Variants in UBE3D observed in about 807,000 individuals in gnomAD.
UBE3D encodes the protein ubiquitin protein ligase E3D, also known as E3 ubiquitin-protein ligase E3D.
Under a neutral mutation model 49.6 loss-of-function variants are expected in UBE3D, and 48 were observed. The observed-to-expected ratio is 0.97, with a 90% CI of 0.77 to 1.23. UBE3D has a LOEUF of 1.23. Among genes scored for constraint, UBE3D ranks in the 50% most tolerant of loss-of-function variants. The pLI is 0.00. For missense variants in UBE3D, 452 were observed against 468.4 expected, an observed-to-expected ratio of 0.96 and a Z score of 0.32; for synonymous variants, 189 against 174.2, an observed-to-expected ratio of 1.08 and a Z score of -0.67.
intron 7 of UBE3D, 44 bp downstream of exon 7, chr6:83,022,409 T>A: frequency 7.7e-7 from 1 of 1,297,762 alleles, no homozygotes; most frequent in East Asian, 2.6e-5. Context: ...TTCTGAGACC[T>A]TGGATTCCTA....
intron 1 of UBE3D, 149 bp downstream of exon 1, chr6:83,065,493 G>A (rs996989355): frequency 2.8e-6 from 2 of 712,306 alleles, no homozygotes; most frequent in Admixed American, 6.2e-5. Flanking sequence ...CGACTACAGG[G>A]GAAAGCTTCA....
chr6:82,969,767 T>C (rs1427437079), intron 8 of UBE3D, among the ~76,000 whole-genome samples: 1 of 152,196 alleles, frequency 6.6e-6, no homozygotes, highest in Non-Finnish European at 1.5e-5. Flanking sequence ...ATTTATATTT[T>C]AATTTAATGT....
intron 8 of UBE3D, among the ~76,000 whole-genome samples, chr6:82,998,842 C>A (rs1006456738): frequency 2.6e-5 from 4 of 152,170 alleles, no homozygotes; most frequent in African/African-American, 7.2e-5. Context: ...TGGGGACAAC[C>A]AAACTTTAAC....
chr6:83,006,846 G>A (rs1780016626), intron 8 of UBE3D, among the ~76,000 whole-genome samples: 1 of 152,078 alleles, frequency 6.6e-6, no homozygotes, highest in South Asian at 2.1e-4. Flanking sequence ...TTTCACAATA[G>A]AATATACTTA....
At chr6:82,952,734 T>C (rs1434624931) in intron 9 of UBE3D, among the ~76,000 whole-genome samples, 1 of 152,134 alleles carries the variant, frequency 6.6e-6, no homozygotes, top group Non-Finnish European at 1.5e-5. Context: ...AAATGCTAAG[T>C]ATAGAAAAAT....
chr6:82,956,849 C>T lies in UBE3D; in HGVS notation c.1149+463G>A, dbSNP rs146397584. Among the ~76,000 whole-genome samples, 785 of 152,262 alleles carry T rather than the reference C, an allele frequency of 5.2e-3. 16 individuals carry two copies. The highest frequency in any genetic ancestry group is 0.038 in the Admixed American group (586 of 15,290). On this transcript the variant is annotated intron_variant, in intron 9 of 9. Transcript: ENST00000369747. ...TATTTAAAAAGAGATAGACAAAGGC[C>T]GGATGCGGTGGCTCATGCCAGTAAT...
intron 9 of UBE3D, among the ~76,000 whole-genome samples, chr6:82,904,758 C>T (rs1300490668): frequency 6.6e-6 from 1 of 152,080 alleles, no homozygotes; most frequent in Non-Finnish European, 1.5e-5. Flanking sequence ...ATATAAATAT[C>T]CAAGGCTTAA....
chr6:82,903,933 A>C (rs1315311978), intron 9 of UBE3D, among the ~76,000 whole-genome samples: 1 of 152,174 alleles, frequency 6.6e-6, no homozygotes, highest in African/African-American at 2.4e-5. Context: ...AGCCACATGG[A>C]AGGCAAAGGG....
intron 9 of UBE3D, among the ~76,000 whole-genome samples, chr6:82,904,139 A>G (rs577086784): frequency 6.6e-6 from 1 of 152,186 alleles, no homozygotes; most frequent in Non-Finnish European, 1.5e-5. Flanking sequence ...GAGATAAAGT[A>G]CAGTAAGTCC....
At chr6:82,977,360 C>T (rs1582526191) in intron 8 of UBE3D, among the ~76,000 whole-genome samples, 1 of 152,154 alleles carries the variant, frequency 6.6e-6, no homozygotes, top group East Asian at 1.9e-4. Context: ...TTAGCTCTAA[C>T]TGTATATCCA....
At chr6:82,911,952 C>T (rs1037657453) in intron 9 of UBE3D, among the ~76,000 whole-genome samples, 2 of 152,174 alleles carry the variant, frequency 1.3e-5, no homozygotes, top group Non-Finnish European at 2.9e-5. Flanking sequence ...TTTGGATTCA[C>T]AGGCTGACTG....
intron 9 of UBE3D, among the ~76,000 whole-genome samples, chr6:82,931,763 T>C (rs1010649332): frequency 1.3e-5 from 2 of 152,214 alleles, no homozygotes; most frequent in African/African-American, 2.4e-5. Context: ...TACAGGCTCA[T>C]AGGCAGAGAA....
At chr6:82,992,653 G>A (rs1017521046) in intron 8 of UBE3D, among the ~76,000 whole-genome samples, 1 of 152,094 alleles carries the variant, frequency 6.6e-6, no homozygotes, top group African/African-American at 2.4e-5. Flanking sequence ...TCTTCTGTGG[G>A]AAATGGGCAC....
intron 8 of UBE3D, among the ~76,000 whole-genome samples, chr6:82,990,069 T>G (rs1366343522): frequency 1.3e-5 from 2 of 152,224 alleles, no homozygotes; most frequent in African/African-American, 2.4e-5. Flanking sequence ...TCCAGGTTGC[T>G]GCCATACCTC....
chr6:82,899,885 T>TG (rs5877825), intron 9 of UBE3D, among the ~76,000 whole-genome samples: 17,023 of 152,168 alleles, frequency 0.11, 1,338 homozygotes, highest in African/African-American at 0.21. Context: ...GGGCCAACAT[T>TG]GATATAGCAG....
At chr6:82,959,247 C>T (rs1776377952) in intron 8 of UBE3D, among the ~76,000 whole-genome samples, 1 of 151,430 alleles carries the variant, frequency 6.6e-6, no homozygotes, top group Non-Finnish European at 1.5e-5. Flanking sequence ...CCACCCCCCT[C>T]AAAATCTGTA....
intron 7 of UBE3D, among the ~76,000 whole-genome samples, chr6:83,019,922 C>T (rs1243657940): frequency 1.3e-5 from 2 of 152,172 alleles, no homozygotes; most frequent in African/African-American, 4.8e-5. Flanking sequence ...CAGGTAACTT[C>T]TGGGCAAGGC....
intron 1 of UBE3D, among the ~76,000 whole-genome samples, chr6:83,060,746 A>G (rs1784120532): frequency 6.6e-6 from 1 of 152,186 alleles, no homozygotes; most frequent in Non-Finnish European, 1.5e-5. Flanking sequence ...AAATCAAAGA[A>G]TGACAGGTAC....
chr6:82,962,114 TA>T (rs1204240194), intron 8 of UBE3D, among the ~76,000 whole-genome samples: 1 of 151,888 alleles, frequency 6.6e-6, no homozygotes, highest in Non-Finnish European at 1.5e-5. Context: ...AAAAAAAGAT[TA>T]GGGGGCAATA....
Sources: gnomAD v4.1 joint callset for allele counts (sites outside exome capture counted in the v4.1 genomes callset) on GRCh38, gnomAD v4.1.1 for gene constraint, MANE v1.5 for transcripts, NCBI Gene and HGNC (gene_info 2026-07-23, HGNC 2026-07-21) for gene names.